Variants in CNTN4 observed in about 807,000 individuals in gnomAD.
The protein encoded by CNTN4 is contactin-4.
Under a neutral mutation model 122.5 loss-of-function variants are expected in CNTN4, and 77 were observed. That is an observed-to-expected ratio of 0.63 (90% CI 0.52 to 0.76). CNTN4 has a LOEUF of 0.76. CNTN4 is among the 30% of genes least tolerant of loss of function. The pLI is 0.00. For synonymous variants in CNTN4, 512 were observed against 447.0 expected (o/e 1.15, Z -1.83); for missense variants, 1,256 against 1,259.1 (o/e 1.00, Z 0.04).
At chr3:2,698,930 G>A (rs141696941) in intron 4 of CNTN4, among the ~76,000 whole-genome samples, 5,560 of 152,150 alleles carry the variant, frequency 0.037, 356 homozygotes, top group African/African-American at 0.12. Flanking sequence ...GGCTGAGGCC[G>A]GAGAATTGCT....
At chr3:3,039,110 GA>G (rs1237527394) in intron 19 of CNTN4, 107 bp downstream of exon 19, 11 of 1,006,422 alleles carry the variant, frequency 1.1e-5, no homozygotes, top group Non-Finnish European at 1.7e-5. Flanking sequence ...TTTTAACAGT[GA>G]AAATTCATTT....
chr3:2,386,362 TTC>T (rs1282432802), intron 3 of CNTN4, among the ~76,000 whole-genome samples: 1 of 152,188 alleles, frequency 6.6e-6, no homozygotes, highest in Non-Finnish European at 1.5e-5. Flanking sequence ...CCCATAGTTT[TTC>T]TGTCTGGGCC....
At chr3:2,705,780 A>T (rs1277119758) in intron 4 of CNTN4, among the ~76,000 whole-genome samples, 9 of 100,484 alleles carry the variant, frequency 9.0e-5, no homozygotes, top group Non-Finnish European at 8.6e-5. Flanking sequence ...TATTATATAT[A>T]ATACATAATA....
At chr3:2,521,351 A>T (rs11711007) in intron 3 of CNTN4, among the ~76,000 whole-genome samples, 3 of 115,260 alleles carry the variant, frequency 2.6e-5, no homozygotes, top group Non-Finnish European at 5.6e-5. Context: ...CATCCCCCCC[A>T]CCCCCCGCAA....
intron 3 of CNTN4, among the ~76,000 whole-genome samples, chr3:2,383,759 T>TCTCCCTCTCCTCTCCC (rs1462680195): frequency 1.3e-5 from 2 of 148,506 alleles, no homozygotes; most frequent in Admixed American, 1.3e-4. Context: ...TCTCCTCTCT[T>TCTCCCTCTCCTCTCCC]CTCCCTCTCC....
chr3:2,993,544 C>T (rs1230689188), intron 14 of CNTN4, among the ~76,000 whole-genome samples: 2 of 152,004 alleles, frequency 1.3e-5, no homozygotes, highest in African/African-American at 4.8e-5. Flanking sequence ...AGATGATCTG[C>T]CCGCCTCGGC....
intron 6 of CNTN4, among the ~76,000 whole-genome samples, chr3:2,807,476 CT>C (rs201984402): frequency 1.8e-3 from 257 of 145,152 alleles, no homozygotes; most frequent in Middle Eastern, 7.2e-3. Flanking sequence ...ATATACAGAA[CT>C]TTTTTTTTTT....
At chr3:2,299,916 T>A (rs1366674883) in intron 2 of CNTN4, among the ~76,000 whole-genome samples, 2 of 152,168 alleles carry the variant, frequency 1.3e-5, no homozygotes, top group East Asian at 3.8e-4. Flanking sequence ...CGCATTAAAA[T>A]ATGAATTTAT....
At chr3:2,863,246 C>G (rs759773587) in intron 7 of CNTN4, among the ~76,000 whole-genome samples, 1 of 152,100 alleles carries the variant, frequency 6.6e-6, no homozygotes, top group African/African-American at 2.4e-5. Flanking sequence ...AAGTTAATAT[C>G]TTGGTGAGAG....
chr3:2,625,872 C>G (rs963631520), intron 4 of CNTN4, among the ~76,000 whole-genome samples: 9 of 152,300 alleles, frequency 5.9e-5, no homozygotes, highest in African/African-American at 9.6e-5. Flanking sequence ...CGAGATAACA[C>G]TAAATTGTTT....
At chr3:2,355,725 C>G (rs998637236) in intron 3 of CNTN4, among the ~76,000 whole-genome samples, 1 of 152,164 alleles carries the variant, frequency 6.6e-6, no homozygotes, top group East Asian at 1.9e-4. Context: ...TGGATTGGGT[C>G]TCTGTATCCT....
In CNTN4 at chr3:2,835,782, A is replaced by T. The variant is rs1038788954; in HGVS notation, c.454+16201A>T. Among the ~76,000 whole-genome samples the T allele has an allele frequency of 7.2e-5, 11 of 152,314 alleles. 1 individual carries two copies. Among genetic ancestry groups the T allele is most frequent in the Admixed American group, 5.2e-4 (8 of 15,306 alleles). On this transcript the variant is annotated intron_variant, in intron 7 of 24. Coordinates refer to ENST00000418658, the MANE Select transcript of CNTN4 (RefSeq NM_175607.3). ...AAAGTATACCCTGAAACAAATTAAT[A>T]ACCTTAAATTTGTTGTATAAGGAAT...
intron 6 of CNTN4, among the ~76,000 whole-genome samples, chr3:2,788,808 C>T (rs1375935222): frequency 6.6e-6 from 1 of 152,162 alleles, no homozygotes; most frequent in Non-Finnish European, 1.5e-5. Context: ...GCTGACACCC[C>T]AGGGCCTGCA....
intron 3 of CNTN4, among the ~76,000 whole-genome samples, chr3:2,456,068 C>T (rs2048987800): frequency 6.6e-6 from 1 of 152,040 alleles, no homozygotes; most frequent in Non-Finnish European, 1.5e-5. Context: ...GTTGTACTAT[C>T]ATGAATTGAG....
intron 4 of CNTN4, among the ~76,000 whole-genome samples, chr3:2,625,478 G>T (rs1339678931): frequency 6.6e-6 from 1 of 152,120 alleles, no homozygotes; most frequent in Non-Finnish European, 1.5e-5. Flanking sequence ...TGTGATACCA[G>T]TCTCTTCCCT....
chr3:2,835,044 A>G (rs868439417), intron 7 of CNTN4, among the ~76,000 whole-genome samples: 6 of 151,470 alleles, frequency 4.0e-5, no homozygotes, highest in Admixed American at 1.3e-4. Context: ...AGCTGGGACT[A>G]CAGGCGCCCG....
intron 13 of CNTN4, among the ~76,000 whole-genome samples, chr3:2,967,447 G>A (rs1232154006): frequency 6.6e-6 from 1 of 152,130 alleles, no homozygotes; most frequent in Non-Finnish European, 1.5e-5. Flanking sequence ...TAATTTGTTA[G>A]CCTACAAATT....
At chr3:2,829,380 A>G (rs1200919586) in intron 7 of CNTN4, among the ~76,000 whole-genome samples, 1 of 152,160 alleles carries the variant, frequency 6.6e-6, no homozygotes, top group Non-Finnish European at 1.5e-5. Context: ...AGGATAGGCC[A>G]CTGGGAGGGA....
At chr3:2,933,938 G>A (rs2094546699) in intron 13 of CNTN4, among the ~76,000 whole-genome samples, 1 of 152,152 alleles carries the variant, frequency 6.6e-6, no homozygotes, top group African/African-American at 2.4e-5. Flanking sequence ...TTCAGAGAAT[G>A]AGCGGAAGCC....
Sources: allele counts gnomAD v4.1 joint callset (sites outside exome capture counted in the v4.1 genomes callset), GRCh38; gene constraint gnomAD v4.1.1; transcripts MANE v1.5; gene names NCBI Gene and HGNC (gene_info 2026-07-23, HGNC 2026-07-21).